The following ARHGAP31 variants were observed in gnomAD, a reference collection of about 807,000 sequenced individuals.
The protein encoded by ARHGAP31 is Rho GTPase activating protein 31, also known as rho GTPase-activating protein 31.
A neutral mutation model predicts 113.9 loss-of-function variants in ARHGAP31; 34 were observed. The observed-to-expected ratio is 0.30, with a 90% CI of 0.23 to 0.40. The LOEUF (loss-of-function observed/expected upper bound fraction) is 0.40, where lower values mean the gene tolerates loss of function less well. Among genes scored for constraint, ARHGAP31 ranks in the 10% least tolerant of loss-of-function variants. The pLI is 1.00. For synonymous variants in ARHGAP31, 650 were observed against 684.8 expected (o/e 0.95, Z 0.79); for missense variants, 1,548 against 1,767.1 (o/e 0.88, Z 2.22).
intron 1 of ARHGAP31, among the ~76,000 whole-genome samples, chr3:119,307,940 CAAAAAAAAAAA>C (rs71156742): frequency 2.2e-5 from 1 of 45,452 alleles, no homozygotes; most frequent in Non-Finnish European, 3.7e-5. Context: ...GAATTAACAG[CAAAAAAAAAAA>C]AAAAAAAAAG....
chr3:119,381,101 C>T (rs903962870), intron 4 of ARHGAP31, 115 bp downstream of exon 4: 12 of 1,038,126 alleles, frequency 1.2e-5, no homozygotes, highest in Middle Eastern at 2.0e-4. Context: ...TTTAGGCTTT[C>T]CCAAGGGCAT....
rs866450938 is a variant in ARHGAP31 at position 119,408,884 on chromosome 3, A to C, written c.1646-612A>C. Reference sequence around the variant, plus strand: ...CTTTGGATAGATCCAAATTGACAGGAGATAACCCCTGGGAAGAGTCACACA... The same window carrying C: ...CTTTGGATAGATCCAAATTGACAGGCGATAACCCCTGGGAAGAGTCACACA... On this transcript the variant is annotated intron_variant, in intron 10 of 11. Coordinates refer to ENST00000264245, the MANE Select transcript of ARHGAP31 (RefSeq NM_020754.4). 2.5e-4 allele frequency among the ~76,000 whole-genome samples: 38 copies of C among 152,330 alleles called. No individual in the cohort carries two copies. In the Middle Eastern group the frequency reaches 0.01, roughly 41 times the overall value.
At chr3:119,296,948 A>G (rs2079538294) in intron 1 of ARHGAP31, among the ~76,000 whole-genome samples, 2 of 152,116 alleles carry the variant, frequency 1.3e-5, no homozygotes, top group South Asian at 4.1e-4. Context: ...CTAAGCCAAC[A>G]TTCTCTTCTA....
intron 1 of ARHGAP31, among the ~76,000 whole-genome samples, chr3:119,301,304 TC>T (rs1250773924): frequency 1.3e-5 from 2 of 152,202 alleles, no homozygotes; most frequent in Non-Finnish European, 2.9e-5. Flanking sequence ...GGAAGCCCAC[TC>T]CCTTGTTGCC....
intron 10 of ARHGAP31, among the ~76,000 whole-genome samples, chr3:119,406,595 A>G (rs1052242812): frequency 6.6e-6 from 1 of 152,134 alleles, no homozygotes; most frequent in Admixed American, 6.5e-5. Context: ...CATTCCCCCA[A>G]ACTCCAGCGA....
chr3:119,332,683 A>C (rs2079906045), intron 1 of ARHGAP31, among the ~76,000 whole-genome samples: 1 of 146,742 alleles, frequency 6.8e-6, no homozygotes, highest in African/African-American at 2.5e-5. Flanking sequence ...ACACGCATGC[A>C]CGCACGACTT....
rs1374577859 is a variant in ARHGAP31 at position 119,415,535 on chromosome 3, C to G, written c.3606C>G (p.Val1202=). 1 of 1,614,188 alleles carries G rather than the reference C, an allele frequency of 6.2e-7. No homozygotes were observed. Among genetic ancestry groups the G allele is most frequent in the Admixed American group, 1.7e-5 (1 of 60,032 alleles). The stretch of plus-strand genomic sequence containing the variant: ...TGTGCCAGGCCAGGGCGGTCCCAGT[C>G]ATCCCTCCCAAGATTCAGTACACCC... ...VKMCQARAVP[V]IPPKIQYTQI... The change falls in exon 12 of 12, where the codon GTC becomes GTG. Residue 1202 remains valine, a synonymous_variant. Transcript: ENST00000264245.
At chr3:119,311,900 GTC>G (rs1296486891) in intron 1 of ARHGAP31, among the ~76,000 whole-genome samples, 1 of 152,230 alleles carries the variant, frequency 6.6e-6, no homozygotes, top group Admixed American at 6.5e-5. Context: ...AATCTGAGTA[GTC>G]TCTGTCTGAA....
chr3:119,356,336 C>T (rs181426366), intron 1 of ARHGAP31, among the ~76,000 whole-genome samples: 1 of 151,424 alleles, frequency 6.6e-6, no homozygotes, highest in African/African-American at 2.4e-5. Context: ...ACAACAACAA[C>T]AAAAAAAACC....
chr3:119,338,187 A>G (rs756717882), intron 1 of ARHGAP31, among the ~76,000 whole-genome samples: 1 of 152,192 alleles, frequency 6.6e-6, no homozygotes, highest in Non-Finnish European at 1.5e-5. Flanking sequence ...ATCAACATGG[A>G]TGTTACTTGG....
At chr3:119,295,385 G>C (rs9828041) in intron 1 of ARHGAP31, among the ~76,000 whole-genome samples, 7,239 of 151,088 alleles carry the variant, frequency 0.048, 544 homozygotes, top group African/African-American at 0.16. Flanking sequence ...CAGTGGTCTT[G>C]CCTGGGTACA....
chr3:119,337,427 G>A (rs1429633501), intron 1 of ARHGAP31, among the ~76,000 whole-genome samples: 2 of 151,864 alleles, frequency 1.3e-5, no homozygotes, highest in Non-Finnish European at 2.9e-5. Flanking sequence ...GCTCATAAAG[G>A]CAGCACAGAC....
intron 1 of ARHGAP31, among the ~76,000 whole-genome samples, chr3:119,342,632 C>G (rs1451489820): frequency 6.6e-6 from 1 of 152,176 alleles, no homozygotes; most frequent in Admixed American, 6.5e-5. Flanking sequence ...AACTCAGGGC[C>G]TAGAACCAAA....
chr3:119,383,018 GC>G (rs1256326368), intron 5 of ARHGAP31, 65 bp from the exon 6 acceptor site: 2 of 1,593,378 alleles, frequency 1.3e-6, no homozygotes, highest in Admixed American at 1.7e-5. Flanking sequence ...AGGCCCACTG[GC>G]TCCTCTTGCT....
chr3:119,367,869 A>AG (rs1456999838), intron 2 of ARHGAP31, among the ~76,000 whole-genome samples: 1 of 151,838 alleles, frequency 6.6e-6, no homozygotes, highest in African/African-American at 2.4e-5. Flanking sequence ...AAAAAAGAAA[A>AG]AAAAAAAAAA....
chr3:119,349,563 G>A (rs1401749913), intron 1 of ARHGAP31, among the ~76,000 whole-genome samples: 2 of 152,158 alleles, frequency 1.3e-5, no homozygotes, highest in Admixed American at 6.6e-5. Context: ...GAGGGGTCAC[G>A]AAGAACTTAG....
intron 10 of ARHGAP31, among the ~76,000 whole-genome samples, chr3:119,404,909 A>G (rs1425708646): frequency 6.6e-6 from 1 of 152,240 alleles, no homozygotes; most frequent in Non-Finnish European, 1.5e-5. Context: ...AAAGGACAAC[A>G]AACCGAATCC....
At chr3:119,401,537 A>G (rs2080607473) in intron 9 of ARHGAP31, among the ~76,000 whole-genome samples, 1 of 152,172 alleles carries the variant, frequency 6.6e-6, no homozygotes, top group Non-Finnish European at 1.5e-5. Context: ...CAACTTTAGC[A>G]GTAATCTTTT....
intron 1 of ARHGAP31, among the ~76,000 whole-genome samples, chr3:119,295,420 C>T (rs975948096): frequency 7.1e-6 from 1 of 141,532 alleles, no homozygotes; most frequent in Non-Finnish European, 1.5e-5. Context: ...TTAGCTGTCC[C>T]TCCTGGGCTC....
Sources: gnomAD v4.1 joint callset for allele counts (sites outside exome capture counted in the v4.1 genomes callset) on GRCh38, gnomAD v4.1.1 for gene constraint, MANE v1.5 for transcripts, NCBI Gene and HGNC (gene_info 2026-07-23, HGNC 2026-07-21) for gene names.